EXOC4: variants seen among roughly 807,000 people sequenced by gnomAD.
The protein encoded by EXOC4 is exocyst complex component 4.
Under a neutral mutation model 107.2 loss-of-function variants are expected in EXOC4, and 71 were observed. That is an observed-to-expected ratio of 0.66 (90% confidence interval 0.55 to 0.81). The LOEUF (loss-of-function observed/expected upper bound fraction) is 0.81. EXOC4 is among the 30% of genes least tolerant of loss of function. The probability of loss-of-function intolerance (pLI) is 0.00; values close to 1 mark genes in which losing one functional copy is unlikely to be tolerated. For missense variants in EXOC4, 1,108 were observed against 1,189.6 expected, an observed-to-expected ratio of 0.93 and a Z score of 1.01; for synonymous variants, 456 against 441.2, an observed-to-expected ratio of 1.03 and a Z score of -0.42.
At chr7:133,456,396 C>T (rs539200384) in intron 7 of EXOC4, among the ~76,000 whole-genome samples, 4 of 152,278 alleles carry the variant, frequency 2.6e-5, no homozygotes, top group South Asian at 2.1e-4. Flanking sequence ...TATCAGGAAT[C>T]GTAAACTTTG....
intron 14 of EXOC4, among the ~76,000 whole-genome samples, chr7:133,961,453 A>AT (rs35564607): frequency 2.0e-5 from 3 of 150,240 alleles, no homozygotes; most frequent in Non-Finnish European, 4.4e-5. Context: ...CACCTGGCTA[A>AT]TTTTTTTTAT....
chr7:133,697,915 G>A (rs927836259), intron 10 of EXOC4, among the ~76,000 whole-genome samples: 2 of 152,102 alleles, frequency 1.3e-5, no homozygotes, highest in African/African-American at 4.8e-5. Context: ...AAGCAGAGAG[G>A]GAAACCCAAT....
chr7:133,790,406 A>G (rs896809512), intron 10 of EXOC4, among the ~76,000 whole-genome samples: 1 of 152,248 alleles, frequency 6.6e-6, no homozygotes, highest in African/African-American at 2.4e-5. Context: ...GCTGAAACAA[A>G]TCATGGAAAA....
chr7:133,805,931 A>G (rs1466239740), intron 10 of EXOC4, among the ~76,000 whole-genome samples: 1 of 152,268 alleles, frequency 6.6e-6, no homozygotes, highest in African/African-American at 2.4e-5. Context: ...CACCTGCGTC[A>G]TCTCATTTTG....
intron 10 of EXOC4, among the ~76,000 whole-genome samples, chr7:133,793,700 T>C (rs2542261): frequency 0.99 from 150,104 of 152,088 alleles, 74,113 homozygotes; most frequent in Middle Eastern, 1. Flanking sequence ...CAAAAATTAG[T>C]GGGGTGTGGT....
intron 4 of EXOC4, among the ~76,000 whole-genome samples, chr7:133,307,269 A>C (rs935503660): frequency 2.0e-5 from 3 of 152,342 alleles, no homozygotes; most frequent in Non-Finnish European, 4.4e-5. Context: ...AACTTCTGCC[A>C]GGCACACAGA....
At chr7:133,746,405 C>G (rs73724728) in intron 10 of EXOC4, among the ~76,000 whole-genome samples, 2,597 of 152,150 alleles carry the variant, frequency 0.017, 73 homozygotes, top group African/African-American at 0.059. Context: ...AAAATTGTAG[C>G]ATGATTAATG....
At chr7:133,957,969 A>G (rs967184183) in intron 14 of EXOC4, among the ~76,000 whole-genome samples, 1 of 152,236 alleles carries the variant, frequency 6.6e-6, no homozygotes, top group African/African-American at 2.4e-5. Context: ...GACTTAGATC[A>G]TAAACCAGAG....
At chr7:133,845,672 GC>G (rs1798112688) in intron 11 of EXOC4, among the ~76,000 whole-genome samples, 1 of 151,990 alleles carries the variant, frequency 6.6e-6, no homozygotes, top group Admixed American at 6.6e-5. Context: ...AGCTAGTGCA[GC>G]CTATCTTGAT....
rs763559506 is a variant in EXOC4, at chr7:133,714,814, C to T, written c.1514+84673C>T. Among the ~76,000 whole-genome samples the T allele has an allele frequency of 2.9e-4, 44 of 152,268 alleles. 1 individual carries two copies. Among genetic ancestry groups the T allele is most frequent in the Admixed American group, 5.9e-4 (9 of 15,296 alleles). On this transcript the variant is annotated intron_variant, in intron 10 of 17. Transcript: ENST00000253861. ...GTTGGTCCTGGAACCAGTCCCCATA[C>T]AGATACCAGGAATGACTGCACTAGA...
chr7:133,856,265 AAAG>A (rs1798370847), intron 11 of EXOC4, among the ~76,000 whole-genome samples: 1 of 152,226 alleles, frequency 6.6e-6, no homozygotes, highest in African/African-American at 2.4e-5. Context: ...AATGTGTTTA[AAAG>A]AAGGTCAGTG....
At chr7:133,497,767 C>T (rs939496905) in intron 9 of EXOC4, among the ~76,000 whole-genome samples, 1 of 152,086 alleles carries the variant, frequency 6.6e-6, no homozygotes, top group Non-Finnish European at 1.5e-5. Context: ...GAATCGAACC[C>T]TGGTCTCCCG....
chr7:133,978,726 G>C (rs1410261617), intron 14 of EXOC4, among the ~76,000 whole-genome samples: 1 of 152,208 alleles, frequency 6.6e-6, no homozygotes, highest in Non-Finnish European at 1.5e-5. Flanking sequence ...GTCTGCAGGA[G>C]CTCTTCTGGA....
intron 14 of EXOC4, among the ~76,000 whole-genome samples, chr7:133,949,645 C>G (rs1250846949): frequency 6.6e-6 from 1 of 152,198 alleles, no homozygotes; most frequent in Non-Finnish European, 1.5e-5. Flanking sequence ...AATTCAATAA[C>G]CTTTCACTGT....
At chr7:133,306,592 C>A (rs911434530) in intron 4 of EXOC4, among the ~76,000 whole-genome samples, 4 of 151,958 alleles carry the variant, frequency 2.6e-5, no homozygotes, top group Admixed American at 1.3e-4. Context: ...CTCAACTACT[C>A]CAGAGGCTGA....
intron 1 of EXOC4, among the ~76,000 whole-genome samples, chr7:133,265,579 A>C (rs1050036884): frequency 2.0e-5 from 3 of 152,114 alleles, no homozygotes; most frequent in Non-Finnish European, 4.4e-5. Context: ...TTCTTATTGT[A>C]GATTGTGCTC....
chr7:133,831,339 T>C (rs766286533), intron 11 of EXOC4, among the ~76,000 whole-genome samples: 6 of 152,128 alleles, frequency 3.9e-5, no homozygotes, highest in Non-Finnish European at 7.4e-5. Context: ...AACGATGGAG[T>C]ATCAGTATAA....
intron 4 of EXOC4, among the ~76,000 whole-genome samples, chr7:133,306,513 C>G (rs1794757314): frequency 6.6e-6 from 1 of 151,986 alleles, no homozygotes; most frequent in African/African-American, 2.4e-5. Context: ...GCATGGACAA[C>G]AGAGCAAGAC....
intron 17 of EXOC4, among the ~76,000 whole-genome samples, chr7:134,026,185 G>A (rs982016736): frequency 2.0e-5 from 3 of 151,800 alleles, no homozygotes; most frequent in East Asian, 3.9e-4. Flanking sequence ...CAGCAAGATC[G>A]CTTCTTTTCT....
Sources: gnomAD v4.1 joint callset for allele counts (sites outside exome capture counted in the v4.1 genomes callset) on GRCh38, gnomAD v4.1.1 for gene constraint, MANE v1.5 for transcripts, NCBI Gene and HGNC (gene_info 2026-07-23, HGNC 2026-07-21) for gene names.